The following SYBU variants were observed in gnomAD, a reference collection of about 807,000 sequenced individuals.
The protein encoded by SYBU is syntabulin.
Under a neutral mutation model 35.9 loss-of-function variants are expected in SYBU, and 21 were observed. The ratio of observed to expected loss-of-function variants is 0.58; its 90% confidence interval spans 0.41 to 0.84. The LOEUF (loss-of-function observed/expected upper bound fraction) is 0.84. SYBU is among the 40% of genes least tolerant of loss of function. SYBU has a pLI of 0.00. For synonymous variants in SYBU, 319 were observed against 324.3 expected (o/e 0.98, Z 0.18); for missense variants, 768 against 848.2 (o/e 0.91, Z 1.17).
intron 1 of SYBU, among the ~76,000 whole-genome samples, chr8:109,653,222 G>T (rs1039549416): frequency 6.6e-6 from 1 of 150,672 alleles, no homozygotes; most frequent in African/African-American, 2.5e-5. Context: ...TTATATTTTT[G>T]AGCAGTTTTA....
chr8:109,618,253 T>C (rs1044784119), intron 3 of SYBU, among the ~76,000 whole-genome samples: 3 of 152,254 alleles, frequency 2.0e-5, no homozygotes, highest in Admixed American at 2.0e-4. Flanking sequence ...TGACCTTTTC[T>C]GATGCTGCTG....
chr8:109,617,999 T>C lies in SYBU; in HGVS notation c.427+843A>G, dbSNP rs574393340. Among the ~76,000 whole-genome samples, 5 of 152,314 alleles carry C rather than the reference T, an allele frequency of 3.3e-5. No homozygotes were observed. The East Asian group carries it at 9.7e-4, about 29-fold the overall frequency. On this transcript the variant is annotated intron_variant, in intron 3 of 6. Coordinates refer to ENST00000276646, the MANE Select transcript of SYBU (RefSeq NM_001099754.2). ...AAACCATCTGTAGCTCCTTGCACAATAATGTCATCACCAAACAAAACTTAG... is the reference window on the plus strand; with the variant it reads ...AAACCATCTGTAGCTCCTTGCACAACAATGTCATCACCAAACAAAACTTAG...
upstream of SYBU, among the ~76,000 whole-genome samples, chr8:109,648,380 T>C (rs2130706691): frequency 6.6e-6 from 1 of 151,080 alleles, no homozygotes; most frequent in Non-Finnish European, 1.5e-5. Flanking sequence ...CTGGGATAAG[T>C]TACTTGATTG....
At chr8:109,673,886 T>C (rs954177288) in intron 1 of SYBU, among the ~76,000 whole-genome samples, 1 of 152,116 alleles carries the variant, frequency 6.6e-6, no homozygotes, top group Non-Finnish European at 1.5e-5. Context: ...TTGTGAAGCA[T>C]ACACAAGTAT....
chr8:109,625,381 A>C (rs1476335440), intron 2 of SYBU, among the ~76,000 whole-genome samples: 2 of 152,202 alleles, frequency 1.3e-5, no homozygotes, highest in African/African-American at 4.8e-5. Context: ...ACATTATTTT[A>C]AAGGAGTGCT....
chr8:109,616,696 CTTT>C (rs34415660), intron 3 of SYBU, among the ~76,000 whole-genome samples: 4 of 141,672 alleles, frequency 2.8e-5, no homozygotes, highest in Admixed American at 7.1e-5. Flanking sequence ...ATGAAACATA[CTTT>C]TTTTTTTTTT....
At chr8:109,595,940 A>G (rs1824822897) in intron 3 of SYBU, among the ~76,000 whole-genome samples, 1 of 152,208 alleles carries the variant, frequency 6.6e-6, no homozygotes, top group African/African-American at 2.4e-5. Context: ...AAAATATGCA[A>G]ACATATTACC....
chr8:109,605,559 A>G (rs1471293678), intron 3 of SYBU, among the ~76,000 whole-genome samples: 1 of 152,232 alleles, frequency 6.6e-6, no homozygotes, highest in Non-Finnish European at 1.5e-5. Context: ...AGAAGAGAAT[A>G]TGCCAGAAGA....
chr8:109,588,167 A>G (rs181566808), intron 3 of SYBU, among the ~76,000 whole-genome samples: 12 of 152,370 alleles, frequency 7.9e-5, no homozygotes, highest in Admixed American at 7.8e-4. Context: ...ATTACTCTGA[A>G]AAACACTCAG....
At chr8:109,665,382 G>A (rs1236823313) in intron 1 of SYBU, among the ~76,000 whole-genome samples, 4 of 152,206 alleles carry the variant, frequency 2.6e-5, no homozygotes, top group African/African-American at 9.7e-5. Flanking sequence ...AGGTCTACCA[G>A]TTAGCATAAA....
intron 3 of SYBU, among the ~76,000 whole-genome samples, chr8:109,591,781 G>A (rs1192200350): frequency 6.6e-6 from 1 of 151,722 alleles, no homozygotes; most frequent in African/African-American, 2.4e-5. Flanking sequence ...CAAAGTGCTG[G>A]GATTACAAGC....
chr8:109,615,828 G>C (rs918929043), intron 3 of SYBU, among the ~76,000 whole-genome samples: 2 of 151,898 alleles, frequency 1.3e-5, no homozygotes, highest in Admixed American at 6.6e-5. Context: ...CCCTGAAATG[G>C]TATGTGATAT....
intron 1 of SYBU, among the ~76,000 whole-genome samples, chr8:109,657,189 A>C (rs999779485): frequency 6.6e-6 from 1 of 152,176 alleles, no homozygotes; most frequent in Non-Finnish European, 1.5e-5. Context: ...AGACGTATAA[A>C]CTTTTCTTAA....
rs574708301 is a variant in SYBU at position 109,679,672 on chromosome 8, T to C, written c.-129+1039A>G. ...ACAGCACAAGTAAGACAGCTCTCTA[T>C]GTTATTAGGAACGAGATGACTCTGA... On this transcript the variant is annotated intron_variant, in intron 1 of 5. Coordinates refer to the SYBU transcript ENST00000408889. Among the ~76,000 whole-genome samples the C allele has an allele frequency of 4.5e-4, 69 of 152,368 alleles. No homozygotes were observed. The South Asian group carries it at 0.014, about 31-fold the overall frequency.
intron 1 of SYBU, among the ~76,000 whole-genome samples, chr8:109,653,018 A>G (rs899691030): frequency 6.6e-6 from 1 of 152,216 alleles, no homozygotes; most frequent in African/African-American, 2.4e-5. Flanking sequence ...GGATTTAACA[A>G]TAGATTTCTT....
chr8:109,628,328 G>A (rs1479369760), intron 2 of SYBU, among the ~76,000 whole-genome samples: 1 of 151,756 alleles, frequency 6.6e-6, no homozygotes, highest in Non-Finnish European at 1.5e-5. Flanking sequence ...GGGAAATGTG[G>A]GGAAACCACA....
intron 6 of SYBU, among the ~76,000 whole-genome samples, chr8:109,576,994 A>T (rs1228578156): frequency 6.6e-6 from 1 of 152,118 alleles, no homozygotes; most frequent in East Asian, 1.9e-4. Context: ...ATAAGGTCTG[A>T]CTCACCCCAG....
chr8:109,653,860 T>C (rs1586959479), intron 1 of SYBU, among the ~76,000 whole-genome samples: 1 of 152,274 alleles, frequency 6.6e-6, no homozygotes, highest in African/African-American at 2.4e-5. Context: ...AGGATGGAAG[T>C]TGTGTTTCTT....
At chr8:109,686,691 A>G (rs1284663346) in intron 1 of SYBU, among the ~76,000 whole-genome samples, 2 of 148,102 alleles carry the variant, frequency 1.4e-5, no homozygotes, top group Non-Finnish European at 3.0e-5. Flanking sequence ...CACAGTTAAT[A>G]AGTTGAACCT....
Sources: gnomAD v4.1 joint callset for allele counts (sites outside exome capture counted in the v4.1 genomes callset) on GRCh38, gnomAD v4.1.1 for gene constraint, MANE v1.5 for transcripts, NCBI Gene and HGNC (gene_info 2026-07-23, HGNC 2026-07-21) for gene names.